Variants in TENM1 observed in about 807,000 individuals in gnomAD.
TENM1 encodes the protein teneurin transmembrane protein 1.
TENM1 carries 35 observed loss-of-function variants against 174.8 expected under a neutral mutation model. That is an observed-to-expected ratio of 0.20 (90% CI 0.15 to 0.27). The LOEUF (loss-of-function observed/expected upper bound fraction) is 0.27, where lower values mean the gene tolerates loss of function less well. TENM1 is among the 10% of genes least tolerant of loss of function. The probability of loss-of-function intolerance (pLI) is 1.00; values close to 1 mark genes in which losing one functional copy is unlikely to be tolerated. For missense variants in TENM1, 1,633 were observed against 2,130.1 expected, an observed-to-expected ratio of 0.77 and a Z score of 4.59; for synonymous variants, 781 against 798.7, an observed-to-expected ratio of 0.98 and a Z score of 0.37.
chrX:125,150,721 C>A, the TENM1 span, among the ~76,000 whole-genome samples: 1 of 112,368 alleles, frequency 8.9e-6, no homozygotes, highest in Non-Finnish European at 1.9e-5. Flanking sequence ...AAGAGCAAAG[C>A]TGGTAACATA....
chrX:124,410,137 A>C (rs9782104), intron 25 of TENM1, among the ~76,000 whole-genome samples: 1,196 of 111,655 alleles, frequency 0.011, 17 homozygotes, highest in African/African-American at 0.037. Context: ...AGGCTACAGT[A>C]ACCAAAACAG....
At chrX:124,514,125 TTAAG>T (rs755863554) in intron 18 of TENM1, among the ~76,000 whole-genome samples, 733 of 103,245 alleles carry the variant, frequency 7.1e-3, no homozygotes, top group Non-Finnish European at 0.011. Context: ...ATTGTACACT[TTAAG>T]TGAGTGAACT....
chrX:124,473,311 A>G (rs778663647), intron 22 of TENM1, among the ~76,000 whole-genome samples: 1 of 111,205 alleles, frequency 9.0e-6, no homozygotes, highest in South Asian at 3.9e-4. Flanking sequence ...ATAATACACC[A>G]CTCAAAATAT....
chrX:124,602,012 T>C (rs2050039076), intron 11 of TENM1, among the ~76,000 whole-genome samples: 1 of 111,383 alleles, frequency 9.0e-6, no homozygotes, highest in South Asian at 3.7e-4. Flanking sequence ...TTGGATACTT[T>C]TCAAGCTGAA....
intron 3 of TENM1, among the ~76,000 whole-genome samples, chrX:124,850,654 C>T (rs940158665): frequency 2.1e-4 from 23 of 110,751 alleles, no homozygotes; most frequent in African/African-American, 6.9e-4. Flanking sequence ...AAGGCAGAAA[C>T]GGTGTCATGA....
exon 30 of TENM1, chrX:124,383,985 T>A (rs1383785990): frequency 1.7e-6 from 2 of 1,211,861 alleles, no homozygotes; most frequent in South Asian, 3.5e-5. Flanking sequence ...TCTTCACCAC[T>A]GCTTAACTCC....
chrX:125,056,968 C>T, the TENM1 span, among the ~76,000 whole-genome samples: 2 of 110,914 alleles, frequency 1.8e-5, no homozygotes, highest in Non-Finnish European at 3.8e-5. Context: ...AAAATCAAAT[C>T]CCTCTTCAAA....
chrX:125,104,674 T>A, the TENM1 span, among the ~76,000 whole-genome samples: 1 of 110,836 alleles, frequency 9.0e-6, no homozygotes, highest in East Asian at 2.8e-4. Flanking sequence ...ATGTACTTAA[T>A]ATCAGCATAC....
chrX:124,810,723 A>G (rs1243398039), intron 3 of TENM1, among the ~76,000 whole-genome samples: 1 of 111,685 alleles, frequency 9.0e-6, no homozygotes, highest in African/African-American at 3.3e-5. Context: ...ATCACAAAAG[A>G]CCCCAATTAG....
the TENM1 span, among the ~76,000 whole-genome samples, chrX:125,023,191 C>T: frequency 1.8e-5 from 2 of 110,880 alleles, no homozygotes; most frequent in Non-Finnish European, 3.8e-5. Flanking sequence ...ATTATGGGGG[C>T]GGTTTCTCCC....
chrX:124,587,931 A>G (rs1286039624), intron 11 of TENM1, among the ~76,000 whole-genome samples: 2 of 112,323 alleles, frequency 1.8e-5, no homozygotes, highest in African/African-American at 6.5e-5. Flanking sequence ...CAAAAGACAC[A>G]TGAAAAAATG....
chrX:124,846,592 G>T (rs1249064575), intron 3 of TENM1, among the ~76,000 whole-genome samples: 7 of 111,311 alleles, frequency 6.3e-5, no homozygotes, highest in Non-Finnish European at 1.1e-4. Context: ...TCTAATTCCT[G>T]AGATGTCCTT....
chrX:124,998,477 TAA>T, the TENM1 span, among the ~76,000 whole-genome samples: 1 of 98,808 alleles, frequency 1.0e-5, no homozygotes, highest in Non-Finnish European at 2.1e-5. Flanking sequence ...CAAGTATTTC[TAA>T]AAAAAAAAAA....
intron 15 of TENM1, among the ~76,000 whole-genome samples, chrX:124,533,634 G>C (rs143431521): frequency 9.0e-6 from 1 of 111,588 alleles, no homozygotes; most frequent in African/African-American, 3.3e-5. Flanking sequence ...TTCAACCTGA[G>C]TTTTGGTCCT....
At chrX:125,109,920 T>C in the TENM1 span, among the ~76,000 whole-genome samples, 1 of 111,571 alleles carries the variant, frequency 9.0e-6, no homozygotes, top group Admixed American at 9.6e-5. Flanking sequence ...CCATTGGAGA[T>C]TGTTTGGCAG....
At chrX:125,035,568 C>A in the TENM1 span, among the ~76,000 whole-genome samples, 1 of 111,024 alleles carries the variant, frequency 9.0e-6, no homozygotes, top group African/African-American at 3.3e-5. Flanking sequence ...TATGCAGCAA[C>A]TCTACTGAAG....
intron 22 of TENM1, among the ~76,000 whole-genome samples, chrX:124,478,822 A>G (rs908667303): frequency 1.8e-5 from 2 of 112,663 alleles, no homozygotes; most frequent in African/African-American, 6.4e-5. Context: ...GTTTTAAAGC[A>G]AAAAACAAAC....
chrX:124,432,419 G>T (rs1382163891), intron 23 of TENM1, among the ~76,000 whole-genome samples: 1 of 110,949 alleles, frequency 9.0e-6, no homozygotes, highest in African/African-American at 3.3e-5. Flanking sequence ...TTGTTTGTTT[G>T]TTTGTTTGAG....
intron 3 of TENM1, among the ~76,000 whole-genome samples, chrX:124,837,114 G>A (rs1371079917): frequency 1.8e-5 from 2 of 112,317 alleles, no homozygotes; most frequent in Non-Finnish European, 3.8e-5. Context: ...TTGAGACAGA[G>A]TTTCACTCTT....
Sources: gnomAD v4.1 joint callset for allele counts (sites outside exome capture counted in the v4.1 genomes callset) on GRCh38, gnomAD v4.1.1 for gene constraint, MANE v1.5 for transcripts, NCBI Gene and HGNC (gene_info 2026-07-23, HGNC 2026-07-21) for gene names.